DLG5: variants seen among roughly 807,000 people sequenced by gnomAD.
DLG5 encodes disks large homolog 5.
In DLG5, 48 loss-of-function variants were observed where a neutral mutation model predicts 189.8. The ratio of observed to expected loss-of-function variants is 0.25; its 90% CI spans 0.20 to 0.32. The LOEUF is 0.32. DLG5 is among the 10% of genes least tolerant of loss of function. DLG5 has a pLI of 1.00. For missense variants in DLG5, 2,160 were observed against 2,544.7 expected (o/e 0.85, Z 3.25); for synonymous variants, 1,016 against 1,054.1 (o/e 0.96, Z 0.70).
At chr10:77,924,773 A>C (rs1472969216) in intron 1 of DLG5, among the ~76,000 whole-genome samples, 1 of 152,196 alleles carries the variant, frequency 6.6e-6, no homozygotes, top group Non-Finnish European at 1.5e-5. Flanking sequence ...GATGCAAGTC[A>C]GAAGCTCAAA....
In DLG5 at chr10:77,809,401, G is replaced by C. The variant is rs1841643813; in HGVS notation, c.4647+146C>G. 3.5e-6 allele frequency: 3 copies of C among 865,838 alleles called. No individual in the cohort carries two copies. The East Asian group carries it at 7.9e-5, about 23-fold the overall frequency. The allele number at this position is 865,838 out of a possible 1,614,324, so 53.6% of individuals were successfully genotyped here. On this transcript the variant is annotated intron_variant, in intron 24 of 31. Transcript: ENST00000372391. ...AGCCTGGGCGACAGAGCAAGACTCT[G>C]CCTCAACAACAACAACAAAAGTCAG... is the stretch of plus-strand genomic sequence containing the variant.
At chr10:77,855,004 T>C (rs1268018751) in intron 3 of DLG5, among the ~76,000 whole-genome samples, 2 of 151,710 alleles carry the variant, frequency 1.3e-5, no homozygotes, top group African/African-American at 2.4e-5. Flanking sequence ...AATTACTAAA[T>C]AAATAAATAA....
intron 1 of DLG5, among the ~76,000 whole-genome samples, chr10:77,878,149 G>A (rs1272648324): frequency 1.3e-5 from 2 of 152,198 alleles, no homozygotes; most frequent in Non-Finnish European, 2.9e-5. Flanking sequence ...CTCCCACACA[G>A]GATGGAGCGC....
At chr10:77,882,815 C>T (rs888559801) in intron 1 of DLG5, among the ~76,000 whole-genome samples, 1 of 150,660 alleles carries the variant, frequency 6.6e-6, no homozygotes, top group Non-Finnish European at 1.5e-5. Flanking sequence ...GCCAGCTACT[C>T]GGGAGGGTGA....
intron 27 of DLG5, among the ~76,000 whole-genome samples, chr10:77,802,020 AT>A (rs1182150822): frequency 6.6e-6 from 1 of 152,176 alleles, no homozygotes; most frequent in Non-Finnish European, 1.5e-5. Flanking sequence ...AGCAGATGAG[AT>A]TTGAAGATGA....
At chr10:77,938,978 T>G in the DLG5 span, among the ~76,000 whole-genome samples, 2 of 152,038 alleles carry the variant, frequency 1.3e-5, no homozygotes, top group Non-Finnish European at 2.9e-5. Flanking sequence ...AGGTCAGAAG[T>G]TCCAGACCAG....
intron 2 of DLG5, among the ~76,000 whole-genome samples, chr10:77,867,461 C>T (rs771292203): frequency 1.3e-5 from 2 of 152,202 alleles, no homozygotes; most frequent in Non-Finnish European, 2.9e-5. Flanking sequence ...ATCCTGACTG[C>T]CCCACTCCAT....
At chr10:77,813,518 C>T (rs1253426331) in intron 20 of DLG5, among the ~76,000 whole-genome samples, 3 of 152,038 alleles carry the variant, frequency 2.0e-5, no homozygotes. Context: ...CTTGACCCTC[C>T]AGCTCAGACA....
Position 77,853,546 on chromosome 10 carries a change from C to G in DLG5, c.681-9G>C, listed in dbSNP as rs751017316. Reference sequence around the variant, plus strand: ...GCCGGCTGTGGAGTGTGCTGAAACACCCGGTACATGCTCAGTGAGCCCCAG... The same window carrying G: ...GCCGGCTGTGGAGTGTGCTGAAACAGCCGGTACATGCTCAGTGAGCCCCAG... On this transcript the variant is annotated splice_polypyrimidine_tract_variant and intron_variant, in intron 4 of 31. Transcript: ENST00000372391. 35 of 1,578,916 alleles carry G rather than the reference C, an allele frequency of 2.2e-5. No homozygotes were observed. Among genetic ancestry groups the G allele is most frequent in the South Asian group, 1.5e-4 (13 of 86,676 alleles).
At position 77,816,671 on chromosome 10, in the gene DLG5, G is replaced by A; in HGVS notation, c.3905C>T (p.Pro1302Leu). The A allele has an allele frequency of 6.2e-7, 1 of 1,613,240 alleles. No homozygotes were observed. The highest frequency in any genetic ancestry group is 1.3e-5 in the African/African-American group (1 of 75,052). Residue 1302 changes from proline to leucine, a missense_variant, in exon 20 of 32, where the codon CCT (proline) becomes CTT (leucine). By Grantham distance (98) the Pro-to-Leu change is moderately conservative. Coordinates refer to ENST00000372391, the MANE Select transcript of DLG5 (RefSeq NM_004747.4). The stretch of plus-strand genomic sequence containing the variant: ...GTCGATGTTCAGGGGTGACTGTGGA[G>A]GAGTGCTGCATTCAGAATGTGACAC... ...GSVSHSECST[P>L]PQSPLNIDTL... is the part of the protein sequence containing the mutation.
intron 11 of DLG5, 113 bp from the exon 12 acceptor site, chr10:77,829,643 C>A (rs928400994): frequency 5.5e-6 from 7 of 1,280,204 alleles, no homozygotes; most frequent in Non-Finnish European, 7.6e-6. Flanking sequence ...CTCACATACA[C>A]GCTCAGAAAA....
intron 7 of DLG5, among the ~76,000 whole-genome samples, chr10:77,839,227 G>A (rs910775442): frequency 1.5e-4 from 23 of 152,302 alleles, no homozygotes; most frequent in Admixed American, 7.2e-4. Flanking sequence ...TTGGCCAGGC[G>A]CAGTGGTTCA....
At chr10:77,801,928 A>G (rs933347558) in intron 27 of DLG5, among the ~76,000 whole-genome samples, 3 of 152,168 alleles carry the variant, frequency 2.0e-5, no homozygotes, top group Non-Finnish European at 4.4e-5. Flanking sequence ...GGTGGGTCCT[A>G]AATAAAACCC....
intron 29 of DLG5, 32 bp from the exon 30 acceptor site, chr10:77,794,990 G>A (rs1367318468): frequency 3.2e-6 from 5 of 1,564,890 alleles, no homozygotes; most frequent in African/African-American, 1.3e-5. Context: ...GAGCCCTGGC[G>A]GGCAGTGAGG....
In DLG5 at chr10:77,829,228, C is replaced by A. The variant is rs369918460; in HGVS notation, c.2185+127G>T. ...ACCTCTTGCCAGAAAAGCACATGGGCTACATTTAAATGGCATTGGCCCCTC... is the reference window on the plus strand; with the variant it reads ...ACCTCTTGCCAGAAAAGCACATGGGATACATTTAAATGGCATTGGCCCCTC... On this transcript the variant is annotated intron_variant, in intron 12 of 31. Transcript: ENST00000372391. 6.1e-5 allele frequency: 82 copies of A among 1,333,936 alleles called. 4 individuals carry two copies. The highest frequency in any genetic ancestry group is 5.3e-4 in the East Asian group (23 of 43,342). 82.6% of individuals were successfully genotyped at this position (1,333,936 alleles called of 1,614,324 possible). A position where few individuals can be genotyped will look rare whatever the true frequency, so the allele number is the denominator to read the frequency against.
intron 5 of DLG5, among the ~76,000 whole-genome samples, chr10:77,849,528 G>T (rs1307639277): frequency 6.6e-6 from 1 of 152,250 alleles, no homozygotes; most frequent in East Asian, 1.9e-4. Flanking sequence ...TGGCAGCCAG[G>T]CCTCTTCTCC....
chr10:77,804,755 C>A (rs2812409), intron 27 of DLG5, among the ~76,000 whole-genome samples: 105,215 of 152,122 alleles, frequency 0.69, 36,671 homozygotes, highest in African/African-American at 0.77. Flanking sequence ...AAGACTTGTT[C>A]ATGAACACAG....
At chr10:77,851,787 T>C (rs1272561290) in intron 5 of DLG5, among the ~76,000 whole-genome samples, 1 of 152,246 alleles carries the variant, frequency 6.6e-6, no homozygotes, top group African/African-American at 2.4e-5. Flanking sequence ...TACAGTTTCA[T>C]TGGAATATGG....
intron 30 of DLG5, 86 bp downstream of exon 30, chr10:77,794,763 C>G (rs896426136): frequency 1.2e-5 from 12 of 1,015,486 alleles, no homozygotes; most frequent in Middle Eastern, 4.2e-4. Flanking sequence ...CTCAACCCCC[C>G]ACCCCAACAC....
Sources: allele counts gnomAD v4.1 joint callset (sites outside exome capture counted in the v4.1 genomes callset), GRCh38; gene constraint gnomAD v4.1.1; transcripts MANE v1.5; gene names NCBI Gene and HGNC (gene_info 2026-07-23, HGNC 2026-07-21).